Variants in SMYD3 observed in about 807,000 individuals in gnomAD.
SMYD3 encodes the protein SET and MYND domain containing 3, also known as histone-lysine N-methyltransferase SMYD3.
A neutral mutation model predicts 57.7 loss-of-function variants in SMYD3; 36 were observed. The ratio of observed to expected loss-of-function variants is 0.62; its 90% CI spans 0.48 to 0.82. The LOEUF (loss-of-function observed/expected upper bound fraction) is 0.82. Ranked by LOEUF, SMYD3 falls within the 40% of genes least tolerant of loss-of-function variation. SMYD3 has a pLI of 0.00. For synonymous variants in SMYD3, 211 were observed against 195.0 expected (o/e 1.08, Z -0.68); for missense variants, 515 against 538.8 (o/e 0.96, Z 0.44).
At chr1:245,773,189 C>T (rs111617305) in intron 10 of SMYD3, among the ~76,000 whole-genome samples, 98 of 151,748 alleles carry the variant, frequency 6.5e-4, no homozygotes, top group African/African-American at 2.2e-3. Context: ...TGAACTACTG[C>T]TACATTTGCC....
intron 10 of SMYD3, among the ~76,000 whole-genome samples, chr1:245,839,774 C>G (rs1483625918): frequency 6.7e-6 from 1 of 150,166 alleles, no homozygotes; most frequent in African/African-American, 2.5e-5. Flanking sequence ...AAGCTTGGAG[C>G]AAGAGAAAGC....
At chr1:245,864,074 A>AT (rs2051695077) in intron 8 of SMYD3, among the ~76,000 whole-genome samples, 188 bp from the exon 9 acceptor site, 1 of 152,346 alleles carries the variant, frequency 6.6e-6, no homozygotes. Flanking sequence ...TACCATGGCT[A>AT]TAATCAAAAA....
chr1:246,506,822 C>A (rs2068547241), intron 1 of SMYD3, among the ~76,000 whole-genome samples: 1 of 83,668 alleles, frequency 1.2e-5, no homozygotes, highest in African/African-American at 5.4e-5. Context: ...GGGGCAGTGG[C>A]TGAGCCTGGG....
intron 5 of SMYD3, chr1:246,186,897 T>C (rs2062649734): frequency 1.0e-6 from 1 of 985,312 alleles, no homozygotes; most frequent in African/African-American, 1.7e-5. Context: ...TGAAGCCCCT[T>C]AGAGTCATTA....
chr1:245,863,879 T>A lies in SMYD3; in HGVS notation c.821A>T (p.Asp274Val), dbSNP rs1420220889. 6.2e-7 allele frequency: 1 copy of A among 1,614,046 alleles called. No individual in the cohort carries two copies. The highest frequency in any genetic ancestry group is 1.3e-5 in the African/African-American group (1 of 74,942). ...FRCQTQDKDA[D>V]MLTGDEQVWK... is the part of the protein sequence containing the mutation. Reference sequence around the variant, plus strand: ...TACTTGCTCATCACCAGTTAGCATATCAGCATCCTGCTCAGGCCAGAAAAG... The same window carrying A: ...TACTTGCTCATCACCAGTTAGCATAACAGCATCCTGCTCAGGCCAGAAAAG... Residue 274 changes from aspartate (D) to valine (V), a missense_variant, in exon 9 of 12, where the codon GAT (aspartate) becomes GTT (valine). Physicochemically the swap from Asp to Val is radical, Grantham distance 152. Coordinates refer to ENST00000490107, the MANE Select transcript of SMYD3 (RefSeq NM_001167740.2).
At chr1:246,408,098 T>C (rs1373595654) in intron 1 of SMYD3, among the ~76,000 whole-genome samples, 1 of 151,858 alleles carries the variant, frequency 6.6e-6, no homozygotes, top group African/African-American at 2.4e-5. Flanking sequence ...GACTCTGCCT[T>C]CCTGAGCTAA....
chr1:246,126,788 T>C (rs1346654726), intron 5 of SMYD3, among the ~76,000 whole-genome samples: 1 of 152,240 alleles, frequency 6.6e-6, no homozygotes, highest in Non-Finnish European at 1.5e-5. Context: ...AAACATCTGA[T>C]GACATCATTT....
chr1:246,457,287 T>C (rs1233519019), intron 1 of SMYD3, among the ~76,000 whole-genome samples: 3 of 151,854 alleles, frequency 2.0e-5, no homozygotes, highest in Admixed American at 1.3e-4. Context: ...TTGGAAACTC[T>C]CAGGTGACTC....
intron 8 of SMYD3, among the ~76,000 whole-genome samples, chr1:245,901,651 C>A (rs201552174): frequency 4.6e-5 from 7 of 152,104 alleles, no homozygotes; most frequent in African/African-American, 7.2e-5. Context: ...TCTCCTCCAC[C>A]AAAAAGAAGG....
chr1:246,113,341 T>C (rs1316650931), intron 5 of SMYD3, among the ~76,000 whole-genome samples: 1 of 152,204 alleles, frequency 6.6e-6, no homozygotes, highest in Non-Finnish European at 1.5e-5. Context: ...GAATAAAATC[T>C]ATCAGCAATC....
chr1:245,854,731 C>G (rs1270146466), intron 10 of SMYD3, among the ~76,000 whole-genome samples: 1 of 152,066 alleles, frequency 6.6e-6, no homozygotes, highest in Non-Finnish European at 1.5e-5. Flanking sequence ...GAGTCTTTCC[C>G]CCAGCAAGAC....
intron 1 of SMYD3, among the ~76,000 whole-genome samples, chr1:246,424,575 T>C (rs2103001387): frequency 6.6e-6 from 1 of 152,352 alleles, no homozygotes; most frequent in East Asian, 1.9e-4. Context: ...CCTGAAGTTT[T>C]CACAGATGAT....
chr1:246,199,998 C>T (rs1005922735), intron 5 of SMYD3, among the ~76,000 whole-genome samples: 6 of 151,054 alleles, frequency 4.0e-5, no homozygotes, highest in Non-Finnish European at 8.8e-5. Context: ...CACAGACGCC[C>T]ACTGTAATAG....
intron 8 of SMYD3, among the ~76,000 whole-genome samples, chr1:245,866,688 C>T (rs2051871697): frequency 1.3e-5 from 2 of 152,078 alleles, no homozygotes; most frequent in South Asian, 2.1e-4. Context: ...GCCAAGACCA[C>T]GCCACTGCAC....
In SMYD3 at chr1:246,430,086, G is replaced by A. The variant is rs371205454; in HGVS notation, c.165-74992C>T. On this transcript the variant is annotated intron_variant, in intron 1 of 11. Coordinates refer to ENST00000490107, the MANE Select transcript of SMYD3 (RefSeq NM_001167740.2). ...ACTGGCAAGTACTAAATAATCATAC[G>A]AGAAACGGTAACTCCTGCCTCAAGG... Among the ~76,000 whole-genome samples, 6 of 97,412 alleles carry A rather than the reference G, an allele frequency of 6.2e-5. No individual in the cohort carries two copies. The East Asian group carries it at 1.9e-3, about 31-fold the overall frequency. 63.9% of individuals were successfully genotyped at this position (97,412 alleles called of 152,430 possible).
intron 5 of SMYD3, among the ~76,000 whole-genome samples, chr1:246,235,667 T>A (rs2063503273): frequency 6.6e-6 from 1 of 152,178 alleles, no homozygotes; most frequent in Non-Finnish European, 1.5e-5. Flanking sequence ...CCCCACATTA[T>A]GCTAGAACCT....
intron 8 of SMYD3, among the ~76,000 whole-genome samples, chr1:245,903,135 A>T (rs2054304307): frequency 6.6e-6 from 1 of 152,212 alleles, no homozygotes; most frequent in African/African-American, 2.4e-5. Context: ...ATTCAAAGAG[A>T]TATCGTAAAA....
At chr1:246,372,238 C>T (rs2066204905) in intron 1 of SMYD3, among the ~76,000 whole-genome samples, 1 of 152,228 alleles carries the variant, frequency 6.6e-6, no homozygotes, top group Admixed American at 6.5e-5. Context: ...GGTGCAAGCA[C>T]TTTGATGCCT....
chr1:246,292,888 G>T (rs761831209), intron 5 of SMYD3, among the ~76,000 whole-genome samples: 1 of 152,106 alleles, frequency 6.6e-6, no homozygotes, highest in Non-Finnish European at 1.5e-5. Flanking sequence ...ATATAGCCAT[G>T]TTCAAGAACA....
Sources: allele counts gnomAD v4.1 joint callset (sites outside exome capture counted in the v4.1 genomes callset), GRCh38; gene constraint gnomAD v4.1.1; transcripts MANE v1.5; gene names NCBI Gene and HGNC (gene_info 2026-07-23, HGNC 2026-07-21).